CENPC: variants seen among roughly 807,000 people sequenced by gnomAD.
CENPC encodes the protein centromere protein C, also known as CENP-C 1.
A neutral mutation model predicts 112.1 loss-of-function variants in CENPC; 63 were observed. The ratio of observed to expected loss-of-function variants is 0.56; its 90% confidence interval spans 0.46 to 0.69. CENPC has a LOEUF of 0.69. CENPC is among the 30% of genes least tolerant of loss of function. CENPC has a pLI of 0.00. For synonymous variants in CENPC, 333 were observed against 367.6 expected (o/e 0.91, Z 1.08); for missense variants, 1,000 against 1,103.8 (o/e 0.91, Z 1.33).
Position 67,492,048 on chromosome 4 carries a change from T to C in CENPC, c.2515+132A>G, listed in dbSNP as rs568596949. 1.7e-3 allele frequency: 986 copies of C among 586,606 alleles called. 3 individuals are homozygous for C. Among genetic ancestry groups the C allele is most frequent in the Non-Finnish European group, 2.6e-3 (867 of 339,556 alleles). The allele number at this position is 586,606 out of a possible 1,614,324, so 36.3% of individuals were successfully genotyped here. ...CTTCACATAGGTTGCTCGTTGGAATTAGACTCTTCTGGACTTTAGCACTGA... is the reference window on the plus strand; with the variant it reads ...CTTCACATAGGTTGCTCGTTGGAATCAGACTCTTCTGGACTTTAGCACTGA... On this transcript the variant is annotated intron_variant, in intron 16 of 18. Coordinates refer to ENST00000273853, the MANE Select transcript of CENPC (RefSeq NM_001812.4).
At chr4:67,490,232 G>T in intron 16 of CENPC, 111 bp from the exon 17 acceptor site, 2 of 713,532 alleles carry the variant, frequency 2.8e-6, no homozygotes, top group Non-Finnish European at 4.1e-6. Context: ...ATCTGCCTTA[G>T]AGAGTTGTTT....
At chr4:67,486,462 A>G (rs1238453545) in intron 17 of CENPC, among the ~76,000 whole-genome samples, 2 of 152,226 alleles carry the variant, frequency 1.3e-5, no homozygotes. Flanking sequence ...ATCTTCAAGG[A>G]TTTCTTTGAA....
chr4:67,536,283 T>G (rs975119668), intron 4 of CENPC, among the ~76,000 whole-genome samples: 1 of 151,928 alleles, frequency 6.6e-6, no homozygotes, highest in Non-Finnish European at 1.5e-5. Flanking sequence ...ATATAAAAAA[T>G]GCAATAGATC....
chr4:67,530,023 T>C (rs969007898), intron 5 of CENPC, among the ~76,000 whole-genome samples: 11 of 152,052 alleles, frequency 7.2e-5, no homozygotes, highest in African/African-American at 2.4e-4. Flanking sequence ...ACTGACCAAC[T>C]GGAAGAAAAC....
Position 67,544,129 on chromosome 4 carries a change from A to G in CENPC, c.65+20T>C. ...CGATGAGAATAAAAATAATCTTAAA[A>G]GCTTAAGTACGTAAATCACCTGGAA... On this transcript the variant is annotated intron_variant, in intron 2 of 18. Coordinates refer to ENST00000273853, the MANE Select transcript of CENPC (RefSeq NM_001812.4). The G allele has an allele frequency of 1.5e-6, 2 of 1,319,488 alleles. No homozygotes were observed. The highest frequency in any genetic ancestry group is 2.4e-5 in the South Asian group (2 of 82,732). 81.7% of individuals were successfully genotyped at this position (1,319,488 alleles called of 1,614,324 possible). A position where few individuals can be genotyped will look rare whatever the true frequency, so the allele number is the denominator to read the frequency against.
intron 17 of CENPC, among the ~76,000 whole-genome samples, chr4:67,478,320 A>T (rs1029401051): frequency 5.9e-5 from 9 of 151,962 alleles, no homozygotes; most frequent in African/African-American, 9.7e-5. Context: ...CAACCTATTT[A>T]AAAAAAACCT....
intron 1 of CENPC, 92 bp from the exon 2 acceptor site, chr4:67,544,287 T>C: frequency 2.8e-6 from 2 of 706,784 alleles, no homozygotes; most frequent in Non-Finnish European, 5.1e-6. Flanking sequence ...ATGGGCATGC[T>C]ATACACCAAA....
intron 14 of CENPC, 120 bp from the exon 15 acceptor site, chr4:67,493,117 A>G (rs746542168): frequency 1.4e-5 from 10 of 736,480 alleles, no homozygotes; most frequent in Non-Finnish European, 2.1e-5. Flanking sequence ...GTCTGCAGCT[A>G]ATAGTTAAAA....
chr4:67,491,460 TATATATATATATATATATATAGAG>T (rs1177663485), intron 16 of CENPC, among the ~76,000 whole-genome samples: 6 of 58,332 alleles, frequency 1.0e-4, no homozygotes, highest in African/African-American at 3.7e-4. Context: ...TATATATATA[TATATATATATATATATATATAGAG>T]AGAGAGAGAG....
intron 10 of CENPC, 38 bp from the exon 11 acceptor site, chr4:67,506,972 T>C (rs1055154153): frequency 1.3e-6 from 2 of 1,515,728 alleles, no homozygotes; most frequent in Admixed American, 2.0e-5. Context: ...TTATACTTCT[T>C]CAAAATAAAA....
intron 17 of CENPC, among the ~76,000 whole-genome samples, chr4:67,485,989 C>T (rs1725083708): frequency 6.6e-6 from 1 of 151,910 alleles, no homozygotes; most frequent in Admixed American, 6.6e-5. Context: ...AAAAAAGCCC[C>T]CCGAAATGTT....
intron 6 of CENPC, among the ~76,000 whole-genome samples, chr4:67,518,847 A>G (rs985419293): frequency 1.3e-5 from 2 of 152,198 alleles, no homozygotes; most frequent in Admixed American, 6.5e-5. Context: ...CTGTCCACAA[A>G]GCATAGCATC....
intron 12 of CENPC, among the ~76,000 whole-genome samples, chr4:67,498,582 T>C (rs1220589372): frequency 6.6e-6 from 1 of 152,228 alleles, no homozygotes. Flanking sequence ...AGATTCCAAC[T>C]CAAGAAATCA....
At chr4:67,538,749 C>T (rs918471470) in intron 4 of CENPC, among the ~76,000 whole-genome samples, 2 of 152,316 alleles carry the variant, frequency 1.3e-5, no homozygotes, top group African/African-American at 4.8e-5. Context: ...GGGGGAATAT[C>T]CTCCCAGTTA....
intron 7 of CENPC, 95 bp from the exon 8 acceptor site, chr4:67,514,782 T>G: frequency 1.6e-6 from 2 of 1,244,248 alleles, no homozygotes; most frequent in Non-Finnish European, 2.2e-6. Context: ...TCTAAATTTC[T>G]TTTAAACTGT....
At chr4:67,528,963 G>C (rs191520827) in intron 5 of CENPC, among the ~76,000 whole-genome samples, 1 of 152,058 alleles carries the variant, frequency 6.6e-6, no homozygotes, top group Non-Finnish European at 1.5e-5. Flanking sequence ...TAATTTATCC[G>C]TATCTTCAAC....
chr4:67,529,720 A>C (rs1432454431), intron 5 of CENPC, among the ~76,000 whole-genome samples: 1 of 152,200 alleles, frequency 6.6e-6, no homozygotes, highest in Non-Finnish European at 1.5e-5. Context: ...TTACTACATA[A>C]ATTAAATGCA....
At chr4:67,483,625 T>C (rs534638121) in intron 17 of CENPC, among the ~76,000 whole-genome samples, 84 of 152,178 alleles carry the variant, frequency 5.5e-4, no homozygotes, top group Non-Finnish European at 1.1e-3. Context: ...CCAATGTTAT[T>C]ATAGGAGATG....
intron 5 of CENPC, among the ~76,000 whole-genome samples, 198 bp downstream of exon 5, chr4:67,530,617 G>A (rs1000539165): frequency 2.6e-5 from 4 of 152,052 alleles, no homozygotes; most frequent in African/African-American, 7.2e-5. Context: ...ACTGACTAAA[G>A]GAAATGGAGA....
Sources: allele counts gnomAD v4.1 joint callset (sites outside exome capture counted in the v4.1 genomes callset), GRCh38; gene constraint gnomAD v4.1.1; transcripts MANE v1.5; gene names NCBI Gene and HGNC (gene_info 2026-07-23, HGNC 2026-07-21).